Variants in TIE1 observed in about 807,000 individuals in gnomAD.
TIE1 encodes tyrosine-protein kinase receptor Tie-1.
A neutral mutation model predicts 130.5 loss-of-function variants in TIE1; 89 were observed. That is an observed-to-expected ratio of 0.68 (90% CI 0.57 to 0.81). The LOEUF (loss-of-function observed/expected upper bound fraction) is 0.81. Ranked by LOEUF, TIE1 falls within the 40% of genes least tolerant of loss-of-function variation. The pLI, the probability that TIE1 is intolerant of heterozygous loss-of-function variation, is 0.00. For missense variants in TIE1, 1,392 were observed against 1,559.8 expected (o/e 0.89, Z 1.81); for synonymous variants, 568 against 629.4 (o/e 0.90, Z 1.46).
chr1:43,306,813 G>A lies in TIE1; in HGVS notation c.485-27G>A. On this transcript the variant is annotated intron_variant, in intron 3 of 22. Coordinates refer to ENST00000372476, the MANE Select transcript of TIE1 (RefSeq NM_005424.5). This position sits in a 1 kb window ranked among gnomAD's most constrained non-coding sequence, Gnocchi z 4.9. ...TGACACAGCCCTCATGTAGTGCTGA[G>A]GCCCCTGACACATTCATGTCCCCCA... The A allele has an allele frequency of 6.3e-7, 1 of 1,587,650 alleles. No homozygotes were observed. The highest frequency in any genetic ancestry group is 1.2e-5 in the South Asian group (1 of 85,616).
In TIE1 at chr1:43,317,344, A is replaced by G. The variant is rs1443162874; in HGVS notation, c.2555A>G (p.Gln852Arg). ...CTCATCGGGGAGGGGAACTTCGGCC[A>G]GGTCATCCGGGCCATGATCAAGAAG... ...EDLIGEGNFG[Q>R]VIRAMIKKDG... Residue 852 changes from glutamine to arginine, a missense_variant, in exon 15 of 23, where the codon CAG (glutamine) becomes CGG (arginine). This residue lies in a region of TIE1 where 286 missense variants were observed against 354.4 expected (regional missense o/e 0.81). Transcript: ENST00000372476. This position sits in a 1 kb window ranked among gnomAD's most constrained non-coding sequence, Gnocchi z 5.1. The G allele has an allele frequency of 6.2e-7, 1 of 1,614,126 alleles. No homozygotes were observed. Among genetic ancestry groups the G allele is most frequent in the Admixed American group, 1.7e-5 (1 of 60,008 alleles).
Position 43,313,110 on chromosome 1 carries a change from T to C in TIE1, c.1928-25T>C, listed in dbSNP as rs1646816219. On this transcript the variant is annotated intron_variant, in intron 12 of 22. Transcript: ENST00000372476. This position sits in a 1 kb window ranked among gnomAD's most constrained non-coding sequence, Gnocchi z 6.2. ...TACATAGCCCGGTCCTATCTGAGCC[T>C]TGCCTTCCCCCACCATCTCCCCAGG... The C allele has an allele frequency of 1.9e-6, 3 of 1,585,420 alleles. No homozygotes were observed. The highest frequency in any genetic ancestry group is 2.6e-6 in the Non-Finnish European group (3 of 1,166,826).
chr1:43,317,350 T>C lies in TIE1; in HGVS notation c.2561T>C (p.Ile854Thr). Reference sequence around the variant, plus strand: ...GGGGAGGGGAACTTCGGCCAGGTCATCCGGGCCATGATCAAGAAGGACGGG... The same window carrying C: ...GGGGAGGGGAACTTCGGCCAGGTCACCCGGGCCATGATCAAGAAGGACGGG... ...LIGEGNFGQV[I>T]RAMIKKDGLK... Residue 854 changes from isoleucine to threonine, a missense_variant, in exon 15 of 23, where the codon ATC (isoleucine) becomes ACC (threonine). Coordinates refer to ENST00000372476, the MANE Select transcript of TIE1 (RefSeq NM_005424.5). The surrounding 1 kb of genome is among the most constrained non-coding windows in gnomAD (Gnocchi z 5.1). The C allele has an allele frequency of 1.2e-6, 2 of 1,613,968 alleles. No individual in the cohort carries two copies. The highest frequency in any genetic ancestry group is 1.7e-6 in the Non-Finnish European group (2 of 1,179,992).
chr1:43,304,877 G>A lies in TIE1; in HGVS notation c.85G>A (p.Ala29Thr), dbSNP rs573516625. 4 of 1,423,042 alleles carry A rather than the reference G, an allele frequency of 2.8e-6. No homozygotes were observed. In the East Asian group the frequency reaches 1.1e-4, roughly 37 times the overall value. The allele number at this position is 1,423,042 out of a possible 1,614,324, so 88.2% of individuals were successfully genotyped here. ...VGAAVDLTLL[A>T]NLRLTDPQRF... Reference sequence around the variant, plus strand: ...CGCGGCGGTGGACCTGACGCTGCTGGCCAACCTGCGGCTCACGGACCCCCA... The same window carrying A: ...CGCGGCGGTGGACCTGACGCTGCTGACCAACCTGCGGCTCACGGACCCCCA... Residue 29 changes from alanine (A) to threonine (T), a missense_variant, in exon 2 of 23, where the codon GCC (alanine) becomes ACC (threonine). Around this residue, in one of 6 missense-constraint regions of TIE1, gnomAD observed 415 missense variants for 424.8 expected, o/e 0.98. Transcript: ENST00000372476.
chr1:43,321,508 C>T lies in TIE1; in HGVS notation c.3245+16C>T. The T allele has an allele frequency of 2.5e-6, 4 of 1,604,114 alleles. No homozygotes were observed. Among genetic ancestry groups the T allele is most frequent in the Non-Finnish European group, 3.4e-6 (4 of 1,174,998 alleles). The stretch of plus-strand genomic sequence containing the variant: ...ACGATGAAGTGTGAGTCACCCCATC[C>T]TTGAGCTCCATGATCCTATCTCTGT... On this transcript the variant is annotated intron_variant, in intron 21 of 22. Coordinates refer to ENST00000372476, the MANE Select transcript of TIE1 (RefSeq NM_005424.5).
rs781170758 is a variant in TIE1 at position 43,312,570 on chromosome 1, G to A, written c.1896G>A (p.Ser632=). 123 of 1,610,862 alleles carry A rather than the reference G, an allele frequency of 7.6e-5. No homozygotes were observed. Among genetic ancestry groups the A allele is most frequent in the Non-Finnish European group, 9.0e-5 (106 of 1,178,778 alleles). The change falls in exon 12 of 23, where the codon TCG becomes TCA. Residue 632 remains serine (S), a synonymous_variant. Transcript: ENST00000372476. This position sits in a 1 kb window ranked among gnomAD's most constrained non-coding sequence, Gnocchi z 5.6. ...LYHCTLLGPA[S]PPAHVLLPPS... is the part of the protein sequence containing the mutation. ...ACTGCACCCTCCTGGGCCCGGCCTC[G>A]CCCCCTGCACACGTGCTTCTGCCCC...
chr1:43,317,154 T>G lies in TIE1; in HGVS notation c.2410-45T>G. ...TGTCTGTGCCTCCTTCCGCCCCCTTTGACTCTTGCGTGGACCGTCTGCCCT... is the reference window on the plus strand; with the variant it reads ...TGTCTGTGCCTCCTTCCGCCCCCTTGGACTCTTGCGTGGACCGTCTGCCCT... On this transcript the variant is annotated intron_variant, in intron 14 of 22. Coordinates refer to ENST00000372476, the MANE Select transcript of TIE1 (RefSeq NM_005424.5). The surrounding 1 kb of genome is among the most constrained non-coding windows in gnomAD (Gnocchi z 5.1). 2.5e-6 allele frequency: 4 copies of G among 1,603,058 alleles called. No homozygotes were observed. The South Asian group carries it at 4.4e-5, about 18-fold the overall frequency.
At position 43,313,856 on chromosome 1, in the gene TIE1, TGG is replaced by T. The variant is rs1168819642; in HGVS notation, c.2299_2300del (p.Gly767LeufsTer75). 1 of 1,613,912 alleles carries T rather than the reference TGG, an allele frequency of 6.2e-7. No homozygotes were observed. The highest frequency in any genetic ancestry group is 8.5e-7 in the Non-Finnish European group (1 of 1,179,970). On this transcript the variant is annotated frameshift_variant, in exon 14 of 23. Transcript: ENST00000372476. LOFTEE classifies it high-confidence loss of function. The surrounding 1 kb of genome is among the most constrained non-coding windows in gnomAD (Gnocchi z 6.2). The stretch of plus-strand genomic sequence containing the variant: ...GATCAGCAGCTGATCCTGGCGGTGG[TGG>T]GCTCCGTGTCTGCCACCTGCCTCAC...
intron 7 of TIE1, among the ~76,000 whole-genome samples, chr1:43,308,320 T>G: frequency 6.6e-6 from 1 of 151,972 alleles, no homozygotes; most frequent in East Asian, 1.9e-4. Context: ...GATTGGGGAC[T>G]CAGGTTTGGG....
At chr1:43,303,748 T>C (rs1043902476) in intron 1 of TIE1, among the ~76,000 whole-genome samples, 2 of 152,106 alleles carry the variant, frequency 1.3e-5, no homozygotes, top group African/African-American at 4.8e-5. Context: ...CAGGCCTCTG[T>C]CCAGGCTGTT....
At chr1:43,310,750 G>A (rs557075909) in intron 9 of TIE1, among the ~76,000 whole-genome samples, 40 of 152,208 alleles carry the variant, frequency 2.6e-4, no homozygotes, top group African/African-American at 8.9e-4. Context: ...AATCCCCTGC[G>A]TGAGCCAAAG....
Position 43,317,978 on chromosome 1 carries a change from G to A in TIE1, c.2828G>A (p.Arg943Gln), listed in dbSNP as rs565843841. The A allele has an allele frequency of 1.7e-5, 27 of 1,612,156 alleles. No homozygotes were observed. Among genetic ancestry groups the A allele is most frequent in the African/African-American group, 9.3e-5 (7 of 75,026 alleles). The part of the protein sequence containing the change: ...RVLETDPAFA[R>Q]EHGTASTLSS... ...CTAGAGACTGACCCAGCTTTTGCTC[G>A]AGAGCATGGGACAGCCTCTACCCTT... The change falls in exon 17 of 23, where the codon CGA (arginine) becomes CAA (glutamine). Residue 943 changes from arginine to glutamine, a missense_variant. By Grantham distance (43) the Arg-to-Gln change is conservative. Around this residue, in one of 6 missense-constraint regions of TIE1, gnomAD observed 286 missense variants for 354.4 expected, o/e 0.81. Transcript: ENST00000372476. The surrounding 1 kb of genome is among the most constrained non-coding windows in gnomAD (Gnocchi z 5.1).
Position 43,312,244 on chromosome 1 carries a change from A to C in TIE1, c.1631-61A>C. 3 of 1,512,994 alleles carry C rather than the reference A, an allele frequency of 2.0e-6. No individual in the cohort carries two copies. In the South Asian group the frequency reaches 4.0e-5, roughly 20 times the overall value. The allele number at this position is 1,512,994 out of a possible 1,614,324, so 93.7% of individuals were successfully genotyped here. A position where few individuals can be genotyped will look rare whatever the true frequency, so the allele number is the denominator to read the frequency against. Reference sequence around the variant, plus strand: ...TGTTCTTCCTTGTTCACTGGGGATCATTGTCCTGTCCAGCCCCAAGTACCT... The same window carrying C: ...TGTTCTTCCTTGTTCACTGGGGATCCTTGTCCTGTCCAGCCCCAAGTACCT... On this transcript the variant is annotated intron_variant, in intron 11 of 22. Coordinates refer to ENST00000372476, the MANE Select transcript of TIE1 (RefSeq NM_005424.5). This position sits in a 1 kb window ranked among gnomAD's most constrained non-coding sequence, Gnocchi z 5.6.
In TIE1 at chr1:43,321,321, A is replaced by G. The variant is rs767341078; in HGVS notation, c.3148+12A>G. ...GATAGTGAGCCTTGGTGAGTTCCTG[A>G]TCCCCGTCCCCCAGAGTGCCCCACC... On this transcript the variant is annotated intron_variant, in intron 20 of 22. Transcript: ENST00000372476. 2.5e-5 allele frequency: 40 copies of G among 1,613,860 alleles called. No homozygotes were observed. In the South Asian group the frequency reaches 4.2e-4, roughly 17 times the overall value.
chr1:43,311,937 G>T, intron 10 of TIE1, 57 bp from the exon 11 acceptor site: 1 of 1,563,634 alleles, frequency 6.4e-7, no homozygotes. Context: ...AAGGGAGCAT[G>T]GCAGCTTCTA....
intron 19 of TIE1, among the ~76,000 whole-genome samples, chr1:43,321,032 C>CAAAAAAAAA (rs752698629): frequency 1.0e-5 from 1 of 97,370 alleles, no homozygotes; most frequent in South Asian, 3.7e-4. Flanking sequence ...GACCCTGTCT[C>CAAAAAAAAA]AAAAAAAAAA....
At position 43,317,462 on chromosome 1, in the gene TIE1, A is replaced by T. The variant is rs1646870173; in HGVS notation, c.2620+53A>T. 8.7e-6 allele frequency: 14 copies of T among 1,612,458 alleles called. No homozygotes were observed. The South Asian group carries it at 1.4e-4, about 16-fold the overall frequency. On this transcript the variant is annotated intron_variant, in intron 15 of 22. Coordinates refer to ENST00000372476, the MANE Select transcript of TIE1 (RefSeq NM_005424.5). This position sits in a 1 kb window ranked among gnomAD's most constrained non-coding sequence, Gnocchi z 5.1. Reference sequence around the variant, plus strand: ...CCTGATGCTCTCCTTTGTCCCACAAATCCCAGGCCCCACCTGGCTTCCTCC... The same window carrying T: ...CCTGATGCTCTCCTTTGTCCCACAATTCCCAGGCCCCACCTGGCTTCCTCC...
rs202219750 is a variant in TIE1 at position 43,312,320 on chromosome 1, C to T, written c.1646C>T (p.Pro549Leu). 136 of 1,551,598 alleles carry T rather than the reference C, an allele frequency of 8.8e-5. No individual in the cohort carries two copies. The highest frequency in any genetic ancestry group is 1.2e-4 in the Non-Finnish European group (134 of 1,146,640). The change falls in exon 12 of 23, where the codon CCG (proline) becomes CTG (leucine). Residue 549 changes from proline to leucine, a missense_variant. Transcript: ENST00000372476. This position sits in a 1 kb window ranked among gnomAD's most constrained non-coding sequence, Gnocchi z 5.6. ...TTDCPEPLLQ[P>L]WLEGWHVEGT... is the part of the protein sequence containing the mutation. Reference sequence around the variant, plus strand: ...CTGGCCCCAGAGCCTTTGTTGCAGCCGTGGTTGGAGGGCTGGCATGTGGAA... The same window carrying T: ...CTGGCCCCAGAGCCTTTGTTGCAGCTGTGGTTGGAGGGCTGGCATGTGGAA...
chr1:43,322,635 C>G lies in TIE1; in HGVS notation c.3346-16C>G, dbSNP rs780161283. On this transcript the variant is annotated splice_polypyrimidine_tract_variant and intron_variant, in intron 22 of 22. Coordinates refer to ENST00000372476, the MANE Select transcript of TIE1 (RefSeq NM_005424.5). The surrounding 1 kb of genome is among the most constrained non-coding windows in gnomAD (Gnocchi z 4.0). ...CCCCCATTCCTGGCCCCCACTAAAG[C>G]TTGCTCTGCCCCCAGGCCTATGTGA... 2.7e-5 allele frequency: 43 copies of G among 1,613,710 alleles called. No homozygotes were observed. In the Admixed American group the frequency reaches 6.7e-4, roughly 25 times the overall value.
Sources: allele counts gnomAD v4.1 joint callset (sites outside exome capture counted in the v4.1 genomes callset), GRCh38; gene constraint gnomAD v4.1.1; regional missense constraint gnomAD v4.1.1; non-coding constraint Gnocchi (gnomAD v3.1); transcripts MANE v1.5; gene names NCBI Gene and HGNC (gene_info 2026-07-23, HGNC 2026-07-21).